ARHGAP24: variants seen among roughly 807,000 people sequenced by gnomAD.
ARHGAP24 encodes the protein rho GTPase-activating protein 24.
A neutral mutation model predicts 76.4 loss-of-function variants in ARHGAP24; 50 were observed. That is an observed-to-expected ratio of 0.65 (90% CI 0.52 to 0.83). The LOEUF (loss-of-function observed/expected upper bound fraction) is 0.83. Ranked by LOEUF, ARHGAP24 falls within the 40% of genes least tolerant of loss-of-function variation. The pLI, the probability that ARHGAP24 is intolerant of heterozygous loss-of-function variation, is 0.00. For missense variants in ARHGAP24, 930 were observed against 914.2 expected (o/e 1.02, Z -0.22); for synonymous variants, 345 against 323.3 (o/e 1.07, Z -0.72).
intron 5 of ARHGAP24, among the ~76,000 whole-genome samples, chr4:85,966,883 C>T (rs1311173563): frequency 1.1e-4 from 16 of 152,236 alleles, no homozygotes; most frequent in African/African-American, 3.9e-4. Context: ...TCATTCTATT[C>T]AGTTAAACCA....
chr4:85,600,156 C>T (rs1489220747), intron 2 of ARHGAP24, among the ~76,000 whole-genome samples: 5 of 152,090 alleles, frequency 3.3e-5, no homozygotes, highest in Non-Finnish European at 5.9e-5. Flanking sequence ...GGTGCAAAGA[C>T]GCTGGGGTAG....
At chr4:85,672,454 T>A (rs1722844378) in intron 2 of ARHGAP24, among the ~76,000 whole-genome samples, 1 of 151,858 alleles carries the variant, frequency 6.6e-6, no homozygotes. Flanking sequence ...CTGATAAGAA[T>A]GATTATATTT....
At chr4:85,542,088 A>G (rs1012752266) in intron 1 of ARHGAP24, among the ~76,000 whole-genome samples, 2 of 152,146 alleles carry the variant, frequency 1.3e-5, no homozygotes, top group African/African-American at 4.8e-5. Flanking sequence ...TTCCTTCATC[A>G]GGTCATCAGC....
chr4:85,592,890 G>A (rs908659827), intron 2 of ARHGAP24, among the ~76,000 whole-genome samples: 2 of 152,110 alleles, frequency 1.3e-5, no homozygotes, highest in Non-Finnish European at 2.9e-5. Flanking sequence ...AACTGTTGAT[G>A]GGCACTTAGG....
chr4:85,883,853 T>G (rs1733401255), intron 3 of ARHGAP24, among the ~76,000 whole-genome samples: 1 of 152,174 alleles, frequency 6.6e-6, no homozygotes, highest in African/African-American at 2.4e-5. Context: ...AGCTGCTTGT[T>G]CTAGTTTCCT....
intron 8 of ARHGAP24, among the ~76,000 whole-genome samples, chr4:85,980,055 C>T (rs906629904): frequency 2.0e-5 from 3 of 152,088 alleles, no homozygotes; most frequent in Non-Finnish European, 4.4e-5. Flanking sequence ...TTCTTAGGCT[C>T]ATATGTTTTA....
chr4:85,740,304 C>A (rs1435886747), intron 3 of ARHGAP24, among the ~76,000 whole-genome samples: 1 of 150,858 alleles, frequency 6.6e-6, no homozygotes, highest in Non-Finnish European at 1.5e-5. Flanking sequence ...CTCACTGCAA[C>A]CTCCCACTCC....
chr4:85,737,614 C>G, intron 3 of ARHGAP24, among the ~76,000 whole-genome samples: 1 of 152,116 alleles, frequency 6.6e-6, no homozygotes, highest in Admixed American at 6.5e-5. Context: ...TTGGGAGCAG[C>G]AAGGAGATGA....
intron 2 of ARHGAP24, among the ~76,000 whole-genome samples, chr4:85,716,690 G>T (rs750243961): frequency 2.0e-5 from 3 of 152,018 alleles, no homozygotes; most frequent in Non-Finnish European, 4.4e-5. Context: ...TCACAAAAGG[G>T]ATAATTGAAC....
rs539129960 is a variant in ARHGAP24, at chr4:85,751,860, C to T, written c.268+29888C>T. ...AATGACATTAGGTAAATCATTTAAC[C>T]TCTCCAGTTTGATTCAAATAATGAA... On this transcript the variant is annotated intron_variant, in intron 3 of 9. Transcript: ENST00000395184. 3.3e-3 allele frequency among the ~76,000 whole-genome samples: 503 copies of T among 152,294 alleles called. 5 individuals carry two copies. Among genetic ancestry groups the T allele is most frequent in the African/African-American group, 0.012 (488 of 41,554 alleles).
intron 3 of ARHGAP24, among the ~76,000 whole-genome samples, chr4:85,903,610 T>A (rs554568452): frequency 6.6e-6 from 1 of 152,132 alleles, no homozygotes; most frequent in East Asian, 1.9e-4. Context: ...GCATTCTTTA[T>A]ATATATATAA....
chr4:85,745,971 A>T (rs1726017982), intron 3 of ARHGAP24, among the ~76,000 whole-genome samples: 2 of 152,260 alleles, frequency 1.3e-5, no homozygotes, highest in South Asian at 4.1e-4. Context: ...GAAAATAGGC[A>T]TGCCAGCAAT....
intron 9 of ARHGAP24, among the ~76,000 whole-genome samples, chr4:85,997,641 T>TCTAACTTTTC (rs1740761426): frequency 6.6e-6 from 1 of 151,860 alleles, no homozygotes; most frequent in Non-Finnish European, 1.5e-5. Flanking sequence ...TCTAACTTTT[T>TCTAACTTTTC]CTTTTCTTAT....
chr4:85,988,427 A>G (rs1397341380), intron 8 of ARHGAP24, among the ~76,000 whole-genome samples: 1 of 151,778 alleles, frequency 6.6e-6, no homozygotes, highest in Non-Finnish European at 1.5e-5. Context: ...ATGGAAGCAA[A>G]CATGAAAGCA....
intron 2 of ARHGAP24, among the ~76,000 whole-genome samples, chr4:85,591,950 T>G (rs528183296): frequency 5.3e-5 from 8 of 152,270 alleles, no homozygotes; most frequent in African/African-American, 1.7e-4. Flanking sequence ...TAACAAATTT[T>G]TGTTATTGTT....
At chr4:85,876,679 A>T (rs907286751) in intron 3 of ARHGAP24, among the ~76,000 whole-genome samples, 1 of 152,194 alleles carries the variant, frequency 6.6e-6, no homozygotes, top group South Asian at 2.1e-4. Context: ...AAATCAAGAT[A>T]TGATATTTTC....
At chr4:85,830,565 C>T (rs3796625) in intron 3 of ARHGAP24, among the ~76,000 whole-genome samples, 30,684 of 152,078 alleles carry the variant, frequency 0.2, 3,621 homozygotes, top group East Asian at 0.55. Context: ...CAGCACTATC[C>T]GTCATTTGTA....
intron 3 of ARHGAP24, among the ~76,000 whole-genome samples, chr4:85,898,747 A>T (rs916310722): frequency 1.4e-3 from 213 of 151,524 alleles, no homozygotes; most frequent in Middle Eastern, 3.4e-3. Flanking sequence ...TGCATACATT[A>T]TTTTTTTTTC....
intron 1 of ARHGAP24, among the ~76,000 whole-genome samples, chr4:85,529,021 C>T (rs928154128): frequency 2.6e-5 from 4 of 152,032 alleles, no homozygotes; most frequent in African/African-American, 9.7e-5. Context: ...GTAATATCAT[C>T]TTGACTACTC....
Sources: gnomAD v4.1 joint callset for allele counts (sites outside exome capture counted in the v4.1 genomes callset) on GRCh38, gnomAD v4.1.1 for gene constraint, MANE v1.5 for transcripts, NCBI Gene and HGNC (gene_info 2026-07-23, HGNC 2026-07-21) for gene names.